Variants in TPRG1 observed in about 807,000 individuals in gnomAD.
TPRG1 encodes the protein tumor protein p63 regulated 1, also known as tumor protein p63-regulated gene 1 protein.
A neutral mutation model predicts 29.3 loss-of-function variants in TPRG1; 29 were observed. The observed-to-expected ratio is 0.99, with a 90% CI of 0.74 to 1.35. TPRG1 has a LOEUF of 1.35. Among genes scored for constraint, TPRG1 ranks in the 40% most tolerant of loss-of-function variants. The pLI, the probability that TPRG1 is intolerant of heterozygous loss-of-function variation, is 0.00. For synonymous variants in TPRG1, 130 were observed against 116.8 expected (o/e 1.11, Z -0.73); for missense variants, 327 against 335.0 (o/e 0.98, Z 0.19).
At chr3:189,046,313 G>A (rs1036816484) in intron 4 of TPRG1, among the ~76,000 whole-genome samples, 1 of 152,184 alleles carries the variant, frequency 6.6e-6, no homozygotes, top group Non-Finnish European at 1.5e-5. Flanking sequence ...AGGCACTGAG[G>A]TAAGCACAGT....
intron 4 of TPRG1, among the ~76,000 whole-genome samples, chr3:189,241,468 T>C (rs748776404): frequency 2.0e-5 from 3 of 152,178 alleles, no homozygotes; most frequent in Admixed American, 6.6e-5. Flanking sequence ...TTCTTATTGA[T>C]TTGTAAGAGC....
At chr3:189,099,385 G>A (rs1375984254), upstream of TPRG1, among the ~76,000 whole-genome samples, 1 of 152,164 alleles carries the variant, frequency 6.6e-6, no homozygotes. Context: ...ACCCCTTGGG[G>A]AATAGGAGGG....
intron 4 of TPRG1, among the ~76,000 whole-genome samples, chr3:189,027,920 C>T (rs184808721): frequency 9.5e-4 from 145 of 152,166 alleles, no homozygotes; most frequent in Admixed American, 7.5e-3. Flanking sequence ...TGAGAACTGA[C>T]GTAGTGGCCA....
At chr3:189,204,321 GA>G (rs1733979200) in intron 1 of TPRG1, among the ~76,000 whole-genome samples, 1 of 150,512 alleles carries the variant, frequency 6.6e-6, no homozygotes, top group South Asian at 2.1e-4. Flanking sequence ...TGCAGGGATA[GA>G]AGAGCACTTA....
chr3:189,026,649 A>G (rs1713679513), intron 4 of TPRG1, among the ~76,000 whole-genome samples: 2 of 152,228 alleles, frequency 1.3e-5, no homozygotes, highest in Non-Finnish European at 2.9e-5. Context: ...GGAGAGATTT[A>G]GAATATTAGT....
At chr3:189,213,987 AG>A (rs1735663311) in intron 2 of TPRG1, among the ~76,000 whole-genome samples, 2 of 152,218 alleles carry the variant, frequency 1.3e-5, no homozygotes, top group African/African-American at 4.8e-5. Context: ...AAGGCTGCAA[AG>A]AACACTTTAT....
Position 189,272,721 on chromosome 3 carries a change from T to TTTCTTTCTTTC in TPRG1, c.479+33813_479+33814insTCTTTCTTTCT, listed in dbSNP as rs1715413381. 3.9e-3 allele frequency among the ~76,000 whole-genome samples: 393 copies of TTTCTTTCTTTC among 100,660 alleles called. 2 individuals are homozygous for TTTCTTTCTTTC. The highest frequency in any genetic ancestry group is 0.017 in the African/African-American group (357 of 21,330). The allele number at this position is 100,660 out of a possible 152,430, so 66.0% of individuals were successfully genotyped here. A position where few individuals can be genotyped will look rare whatever the true frequency, so the allele number is the denominator to read the frequency against. On this transcript the variant is annotated intron_variant, in intron 4 of 5. Coordinates refer to ENST00000345063, the MANE Select transcript of TPRG1 (RefSeq NM_198485.4). ...TCTTTCTTTCTTTCTTTCTCCTTCCTTCCTTCCTTCCTTCCTTCCTTCCTT... is the reference window on the plus strand; with the variant it reads ...TCTTTCTTTCTTTCTTTCTCCTTCCTTTCTTTCTTTCTCCTTCCTTCCTTCCTTCCTTCCTT...
At chr3:189,056,483 C>G (rs1364096053) in intron 4 of TPRG1, among the ~76,000 whole-genome samples, 2 of 152,116 alleles carry the variant, frequency 1.3e-5, no homozygotes, top group African/African-American at 4.8e-5. Context: ...AATAAATAGG[C>G]CTCAATAAAT....
At chr3:189,103,258 T>A (rs2152194905) in intron 1 of TPRG1, among the ~76,000 whole-genome samples, 1 of 152,182 alleles carries the variant, frequency 6.6e-6, no homozygotes, top group East Asian at 1.9e-4. Flanking sequence ...AAGAGCAGAG[T>A]TTAATTGTTG....
intron 5 of TPRG1, among the ~76,000 whole-genome samples, chr3:189,312,616 C>T (rs965335810): frequency 2.6e-5 from 4 of 152,048 alleles, no homozygotes; most frequent in South Asian, 2.1e-4. Context: ...AGAAGTTCAG[C>T]GTGAGGAATT....
intron 4 of TPRG1, among the ~76,000 whole-genome samples, chr3:189,293,727 C>G (rs1055964536): frequency 6.6e-6 from 1 of 152,180 alleles, no homozygotes; most frequent in African/African-American, 2.4e-5. Flanking sequence ...AAGTCTGTCT[C>G]CTCCTTTTTA....
intron 3 of TPRG1, among the ~76,000 whole-genome samples, chr3:189,216,270 C>A (rs1736052154): frequency 6.6e-6 from 1 of 152,124 alleles, no homozygotes; most frequent in South Asian, 2.1e-4. Context: ...TCTGTGATTC[C>A]TATACCTTGA....
At position 189,268,400 on chromosome 3, in the gene TPRG1, A is replaced by G. The variant is rs553694655; in HGVS notation, c.479+29491A>G. 4.6e-5 allele frequency among the ~76,000 whole-genome samples: 7 copies of G among 152,250 alleles called. No homozygotes were observed. The East Asian group carries it at 1.4e-3, about 29-fold the overall frequency. On this transcript the variant is annotated intron_variant, in intron 4 of 5. Transcript: ENST00000345063. ...CAATCCTGTTATTTTTGAGTAATGG[A>G]CTGAACCCAGGTGCCTGATTGGACA...
At chr3:189,010,731 T>C (rs1712555388) in intron 3 of TPRG1, among the ~76,000 whole-genome samples, 1 of 152,244 alleles carries the variant, frequency 6.6e-6, no homozygotes, top group Non-Finnish European at 1.5e-5. Context: ...GTAGGTTGTC[T>C]GTTTACTCTG....
At chr3:189,025,319 TG>T (rs1713599062) in intron 4 of TPRG1, among the ~76,000 whole-genome samples, 1 of 152,110 alleles carries the variant, frequency 6.6e-6, no homozygotes, top group Non-Finnish European at 1.5e-5. Flanking sequence ...TCCCTTGGCT[TG>T]GGGTGGGGGT....
intron 3 of TPRG1, among the ~76,000 whole-genome samples, chr3:189,223,061 C>G (rs562339464): frequency 2.6e-5 from 4 of 152,318 alleles, no homozygotes; most frequent in Non-Finnish European, 5.9e-5. Context: ...GAAGAAGGCA[C>G]TCCTTGAGGC....
chr3:189,116,073 A>G (rs1325330401), intron 1 of TPRG1, among the ~76,000 whole-genome samples: 1 of 152,230 alleles, frequency 6.6e-6, no homozygotes. Flanking sequence ...GGGCAACAGT[A>G]TGCTGGTTTC....
At chr3:189,206,234 A>G (rs1734350113) in intron 1 of TPRG1, among the ~76,000 whole-genome samples, 1 of 150,066 alleles carries the variant, frequency 6.7e-6, no homozygotes, top group African/African-American at 2.4e-5. Flanking sequence ...TTTTCCATTT[A>G]TAATATATTT....
intron 4 of TPRG1, among the ~76,000 whole-genome samples, chr3:189,303,045 A>G (rs1363976366): frequency 6.6e-6 from 1 of 152,166 alleles, no homozygotes; most frequent in African/African-American, 2.4e-5. Flanking sequence ...TTCATATACA[A>G]CAGCTGGCTT....
Sources: allele counts gnomAD v4.1 joint callset (sites outside exome capture counted in the v4.1 genomes callset), GRCh38; gene constraint gnomAD v4.1.1; transcripts MANE v1.5; gene names NCBI Gene and HGNC (gene_info 2026-07-23, HGNC 2026-07-21).